The following GPHN variants were observed in gnomAD, a reference collection of about 807,000 sequenced individuals.
GPHN encodes gephyrin.
In GPHN, 17 loss-of-function variants were observed where a neutral mutation model predicts 95.5. The observed-to-expected ratio is 0.18, with a 90% CI of 0.12 to 0.27. GPHN has a LOEUF of 0.27. GPHN is among the 10% of genes least tolerant of loss of function. The probability of loss-of-function intolerance (pLI) is 1.00; values close to 1 mark genes in which losing one functional copy is unlikely to be tolerated. For synonymous variants in GPHN, 320 were observed against 322.5 expected, an observed-to-expected ratio of 0.99 and a Z score of 0.08; for missense variants, 660 against 978.1, an observed-to-expected ratio of 0.67 and a Z score of 4.34.
intron 10 of GPHN, among the ~76,000 whole-genome samples, chr14:67,046,433 A>G (rs117928445): frequency 0.012 from 1,833 of 152,312 alleles, 19 homozygotes; most frequent in Non-Finnish European, 0.018. Flanking sequence ...CAATATTATC[A>G]ATTTTCTGAG....
chr14:67,520,612 T>G, the GPHN span, among the ~76,000 whole-genome samples: 1 of 152,246 alleles, frequency 6.6e-6, no homozygotes, highest in South Asian at 2.1e-4. Flanking sequence ...TGCTTGCAAA[T>G]TATGGCAATT....
intron 5 of GPHN, among the ~76,000 whole-genome samples, chr14:66,889,911 T>C (rs1222036570): frequency 6.6e-6 from 1 of 151,816 alleles, no homozygotes; most frequent in East Asian, 1.9e-4. Flanking sequence ...ATTACTAAAA[T>C]CAGTAATGAA....
the GPHN span, among the ~76,000 whole-genome samples, chr14:67,681,061 G>A: frequency 6.6e-6 from 1 of 152,210 alleles, no homozygotes; most frequent in Non-Finnish European, 1.5e-5. Context: ...CAGTGTGACT[G>A]TATTTAGAGA....
the GPHN span, among the ~76,000 whole-genome samples, chr14:67,449,268 C>A: frequency 6.6e-6 from 1 of 152,136 alleles, no homozygotes; most frequent in African/African-American, 2.4e-5. Flanking sequence ...TAACTGCAGC[C>A]GAGGCCAAAT....
chr14:66,569,244 GGAAAACTGTCACTATCATTGT>G (rs2060578877), intron 1 of GPHN, among the ~76,000 whole-genome samples: 4 of 152,066 alleles, frequency 2.6e-5, no homozygotes, highest in African/African-American at 9.7e-5. Context: ...CAACTGAAAG[GGAAAACTGTCACTATCATTGT>G]GAAGCTGAAT....
At chr14:67,331,593 AT>A in the GPHN span, among the ~76,000 whole-genome samples, 1 of 152,202 alleles carries the variant, frequency 6.6e-6, no homozygotes, top group South Asian at 2.1e-4. Flanking sequence ...GAGCTAAAAC[AT>A]TTTGTTTCAT....
intron 8 of GPHN, among the ~76,000 whole-genome samples, chr14:66,956,314 T>C (rs540292840): frequency 6.6e-6 from 1 of 152,328 alleles, no homozygotes; most frequent in African/African-American, 2.4e-5. Flanking sequence ...TATTTTCTTA[T>C]TTCCTTTATG....
At chr14:67,225,956 TGTGTGTGCGCGC>T in the GPHN span, among the ~76,000 whole-genome samples, 3 of 136,228 alleles carry the variant, frequency 2.2e-5, no homozygotes, top group African/African-American at 9.7e-5. Context: ...TGTGTGTGTG[TGTGTGTGCGCGC>T]GCGCGCGTGC....
At chr14:66,655,996 T>G (rs1489488284) in intron 1 of GPHN, among the ~76,000 whole-genome samples, 1 of 152,178 alleles carries the variant, frequency 6.6e-6, no homozygotes, top group South Asian at 2.1e-4. Flanking sequence ...TGAATTCTTT[T>G]ACTAATATTT....
the GPHN span, among the ~76,000 whole-genome samples, chr14:67,574,991 C>A: frequency 6.6e-6 from 1 of 152,216 alleles, no homozygotes; most frequent in Non-Finnish European, 1.5e-5. The surrounding 1 kb of genome is among the most constrained non-coding windows in gnomAD (Gnocchi z 4.2). Flanking sequence ...TGTCATTCTC[C>A]TTCGCCCGTG....
At chr14:67,395,702 C>T in the GPHN span, 1 of 720,656 alleles carries the variant, frequency 1.4e-6, no homozygotes, top group East Asian at 2.6e-5. Flanking sequence ...TGCCCTGAGC[C>T]CTCGGCCACA....
chr14:66,667,069 A>G (rs2066006744), intron 1 of GPHN, among the ~76,000 whole-genome samples: 2 of 152,218 alleles, frequency 1.3e-5, no homozygotes, highest in Non-Finnish European at 2.9e-5. Context: ...ACCTAGGAAT[A>G]TAGCTAACAA....
chr14:67,514,447 G>A, the GPHN span, among the ~76,000 whole-genome samples: 1 of 152,196 alleles, frequency 6.6e-6, no homozygotes, highest in African/African-American at 2.4e-5. Flanking sequence ...GTGAAGAGCT[G>A]GCAGCCAGGG....
chr14:67,365,097 TA>T, the GPHN span: 13,054 of 1,181,280 alleles, frequency 0.011, 2 homozygotes, highest in South Asian at 0.014. Context: ...AGCTGCAGCT[TA>T]AAAAAAAAAG....
chr14:67,435,519 C>G, the GPHN span, among the ~76,000 whole-genome samples: 1 of 152,224 alleles, frequency 6.6e-6, no homozygotes, highest in Non-Finnish European at 1.5e-5. Context: ...GTGGCCACAA[C>G]AGGGTATGGC....
intron 2 of GPHN, among the ~76,000 whole-genome samples, chr14:66,711,919 C>T (rs1192543138): frequency 6.6e-6 from 1 of 152,112 alleles, no homozygotes; most frequent in Non-Finnish European, 1.5e-5. Context: ...AGGACATGAA[C>T]TCATCCTTTT....
chr14:66,755,595 G>A (rs1848313626), intron 2 of GPHN, among the ~76,000 whole-genome samples: 1 of 151,568 alleles, frequency 6.6e-6, no homozygotes, highest in African/African-American at 2.4e-5. Context: ...TATGATTTAT[G>A]GTTCTGTAAA....
intron 1 of GPHN, among the ~76,000 whole-genome samples, chr14:66,665,992 A>C (rs1300746318): frequency 6.6e-6 from 1 of 152,002 alleles, no homozygotes; most frequent in African/African-American, 2.4e-5. Flanking sequence ...TCAGTAAACT[A>C]TCGCAAGGAC....
intron 3 of GPHN, among the ~76,000 whole-genome samples, chr14:66,810,982 A>T (rs1439786198): frequency 2.0e-5 from 3 of 152,250 alleles, no homozygotes; most frequent in Non-Finnish European, 2.9e-5. Flanking sequence ...TGAAAAACTA[A>T]AAGTAGTTTT....
Sources: allele counts gnomAD v4.1 joint callset (sites outside exome capture counted in the v4.1 genomes callset), GRCh38; gene constraint gnomAD v4.1.1; non-coding constraint Gnocchi (gnomAD v3.1); transcripts MANE v1.5; gene names NCBI Gene and HGNC (gene_info 2026-07-23, HGNC 2026-07-21).